Variants in GRIK2 observed in about 807,000 individuals in gnomAD.
GRIK2 encodes the protein glutamate ionotropic receptor kainate type subunit 2, also known as glutamate receptor ionotropic, kainate 2.
In GRIK2, 32 loss-of-function variants were observed where a neutral mutation model predicts 100.3. The observed-to-expected ratio is 0.32, with a 90% CI of 0.24 to 0.43. The LOEUF (loss-of-function observed/expected upper bound fraction) is 0.43, where lower values mean the gene tolerates loss of function less well. Ranked by LOEUF, GRIK2 falls within the 20% of genes least tolerant of loss-of-function variation. The pLI, the probability that GRIK2 is intolerant of heterozygous loss-of-function variation, is 1.00. For missense variants in GRIK2, 843 were observed against 1,114.9 expected (o/e 0.76, Z 3.47); for synonymous variants, 417 against 389.4 (o/e 1.07, Z -0.83).
At chr6:101,896,711 T>C (rs1366645405) in intron 12 of GRIK2, among the ~76,000 whole-genome samples, 2 of 151,696 alleles carry the variant, frequency 1.3e-5, no homozygotes, top group Non-Finnish European at 3.0e-5. Flanking sequence ...CAAAAAGACT[T>C]CCTCTTTCTA....
At chr6:101,641,097 G>C (rs779343200) in intron 4 of GRIK2, among the ~76,000 whole-genome samples, 1 of 151,946 alleles carries the variant, frequency 6.6e-6, no homozygotes, top group African/African-American at 2.4e-5. Flanking sequence ...TAATATGAAG[G>C]AAGAACAGTC....
chr6:101,600,662 T>A (rs1300527393), intron 2 of GRIK2, among the ~76,000 whole-genome samples: 3 of 151,644 alleles, frequency 2.0e-5, no homozygotes, highest in Non-Finnish European at 4.4e-5. Flanking sequence ...TTGTGGATTT[T>A]TTTTAAGCTA....
At chr6:101,760,158 C>A (rs937324416) in intron 7 of GRIK2, among the ~76,000 whole-genome samples, 1 of 145,732 alleles carries the variant, frequency 6.9e-6, no homozygotes, top group Non-Finnish European at 1.5e-5. Context: ...CGTGAGCCAC[C>A]GCGCCCGGCC....
chr6:101,822,236 A>ACACT (rs926466873), intron 10 of GRIK2, among the ~76,000 whole-genome samples: 3 of 151,524 alleles, frequency 2.0e-5, no homozygotes, highest in African/African-American at 7.3e-5. Flanking sequence ...ACACACACAC[A>ACACT]CACACACAAA....
At chr6:101,825,913 A>G (rs543900957) in intron 10 of GRIK2, among the ~76,000 whole-genome samples, 22 of 152,232 alleles carry the variant, frequency 1.4e-4, no homozygotes, top group African/African-American at 4.8e-4. Flanking sequence ...CTGAGATTCA[A>G]ATGTAAATTT....
intron 14 of GRIK2, among the ~76,000 whole-genome samples, chr6:101,933,075 T>G (rs1258910294): frequency 6.6e-6 from 1 of 152,014 alleles, no homozygotes; most frequent in African/African-American, 2.4e-5. Flanking sequence ...TTTATCCAAA[T>G]GAGAAAATCT....
chr6:101,554,771 T>G (rs1405022473), intron 2 of GRIK2, among the ~76,000 whole-genome samples: 1 of 152,196 alleles, frequency 6.6e-6, no homozygotes, highest in African/African-American at 2.4e-5. Context: ...GTTCTGAGTA[T>G]GTTCTTGAAG....
At chr6:101,663,670 C>T (rs1769803870) in intron 4 of GRIK2, among the ~76,000 whole-genome samples, 1 of 152,262 alleles carries the variant, frequency 6.6e-6, no homozygotes, top group African/African-American at 2.4e-5. Flanking sequence ...ACCATTAAAT[C>T]AAAATATTAC....
intron 2 of GRIK2, among the ~76,000 whole-genome samples, chr6:101,426,496 C>A (rs768782963): frequency 6.6e-6 from 1 of 152,166 alleles, no homozygotes; most frequent in Admixed American, 6.5e-5. Flanking sequence ...CACTTCCCAG[C>A]CTTTGGTAGC....
At chr6:101,394,107 G>A (rs1357568094) in intron 1 of GRIK2, among the ~76,000 whole-genome samples, 1 of 152,160 alleles carries the variant, frequency 6.6e-6, no homozygotes, top group Non-Finnish European at 1.5e-5. Flanking sequence ...CACATAAAAT[G>A]ATTTAAGAAG....
At position 101,621,943 on chromosome 6, in the gene GRIK2, T is replaced by C. The variant is rs1406766703; in HGVS notation, c.116-6T>C. ...AATTTATGATTTTTCTCTTTCTTTTTGCCAGGTGGTATTTTTGAATATGTG... is the reference window on the plus strand; with the variant it reads ...AATTTATGATTTTTCTCTTTCTTTTCGCCAGGTGGTATTTTTGAATATGTG... On this transcript the variant is annotated splice_polypyrimidine_tract_variant and splice_region_variant and intron_variant, in intron 2 of 16. Transcript: ENST00000369134. 16 of 1,585,524 alleles carry C rather than the reference T, an allele frequency of 1.0e-5. No homozygotes were observed. Among genetic ancestry groups the C allele is most frequent in the African/African-American group, 2.7e-5 (2 of 74,276 alleles).
At chr6:101,613,367 A>C (rs1208856357) in intron 2 of GRIK2, among the ~76,000 whole-genome samples, 1 of 151,816 alleles carries the variant, frequency 6.6e-6, no homozygotes, top group Non-Finnish European at 1.5e-5. Flanking sequence ...AAAACTGAAT[A>C]TGACCTAAAG....
chr6:101,443,740 T>G (rs1203503534), intron 2 of GRIK2, among the ~76,000 whole-genome samples: 1 of 152,060 alleles, frequency 6.6e-6, no homozygotes, highest in Non-Finnish European at 1.5e-5. Flanking sequence ...AGTTTTCCCT[T>G]TTCCTTGATT....
intron 7 of GRIK2, among the ~76,000 whole-genome samples, chr6:101,719,045 CTACTT>C (rs1774266235): frequency 6.7e-6 from 1 of 149,828 alleles, no homozygotes; most frequent in African/African-American, 2.5e-5. Flanking sequence ...TTTTCTTACT[CTACTT>C]TCAAAGAACA....
intron 2 of GRIK2, among the ~76,000 whole-genome samples, chr6:101,592,934 C>T (rs1241207625): frequency 6.6e-6 from 1 of 151,622 alleles, no homozygotes; most frequent in African/African-American, 2.4e-5. Context: ...TCAAATGAGC[C>T]ACATTAATTA....
chr6:101,509,356 T>G (rs1706486730), intron 2 of GRIK2, among the ~76,000 whole-genome samples: 1 of 152,158 alleles, frequency 6.6e-6, no homozygotes, highest in African/African-American at 2.4e-5. Flanking sequence ...TTTGTTTTAC[T>G]GAGCGATTAA....
At chr6:101,494,492 C>A (rs1773319656) in intron 2 of GRIK2, among the ~76,000 whole-genome samples, 1 of 151,814 alleles carries the variant, frequency 6.6e-6, no homozygotes. Flanking sequence ...AGTTTAAAAA[C>A]TTTAACAATT....
chr6:101,922,141 C>CTTCCT (rs1554286920), intron 12 of GRIK2, among the ~76,000 whole-genome samples: 6 of 56,510 alleles, frequency 1.1e-4, no homozygotes, highest in East Asian at 4.9e-4. Context: ...CCTTCCTTCC[C>CTTCCT]TCCCTTCCTC....
chr6:101,621,800 C>T, intron 2 of GRIK2, 149 bp from the exon 3 acceptor site: 1 of 628,406 alleles, frequency 1.6e-6, no homozygotes, highest in Non-Finnish European at 2.8e-6. Flanking sequence ...ATCTCTCCCT[C>T]TCTCTCTCTC....
Sources: allele counts gnomAD v4.1 joint callset (sites outside exome capture counted in the v4.1 genomes callset), GRCh38; gene constraint gnomAD v4.1.1; transcripts MANE v1.5; gene names NCBI Gene and HGNC (gene_info 2026-07-23, HGNC 2026-07-21).